Variants in CAT observed in about 807,000 individuals in gnomAD.
The protein encoded by CAT is catalase, also known as epididymis secretory sperm binding protein.
A neutral mutation model predicts 59.0 loss-of-function variants in CAT; 43 were observed. That is an observed-to-expected ratio of 0.73 (90% CI 0.57 to 0.94). CAT has a LOEUF of 0.94. CAT is among the 40% of genes least tolerant of loss of function. CAT has a pLI of 0.00. For missense variants in CAT, 664 were observed against 682.9 expected (o/e 0.97, Z 0.31); for synonymous variants, 218 against 230.9 (o/e 0.94, Z 0.51).
chr11:34,447,522 A>G (rs1856472284), intron 1 of CAT, among the ~76,000 whole-genome samples: 1 of 152,152 alleles, frequency 6.6e-6, no homozygotes, highest in South Asian at 2.1e-4. Flanking sequence ...TGTATCTTCA[A>G]AAGAGTGATG....
At chr11:34,445,268 T>A (rs967264069) in intron 1 of CAT, among the ~76,000 whole-genome samples, 1 of 151,702 alleles carries the variant, frequency 6.6e-6, no homozygotes, top group Non-Finnish European at 1.5e-5. Context: ...GATGGGCGGA[T>A]TTCTTGAGGT....
intron 11 of CAT, among the ~76,000 whole-genome samples, chr11:34,469,705 A>G (rs1856754421): frequency 6.6e-6 from 1 of 150,612 alleles, no homozygotes; most frequent in South Asian, 2.1e-4. Context: ...TTGTTCTGTC[A>G]CCCAGGCTGG....
chr11:34,460,425 G>A (rs1028308939), intron 8 of CAT, among the ~76,000 whole-genome samples: 3 of 150,166 alleles, frequency 2.0e-5, no homozygotes, highest in African/African-American at 7.4e-5. Flanking sequence ...AATTCAGAAG[G>A]CAGCATGGGA....
At chr11:34,463,260 A>G (rs1856672336) in intron 9 of CAT, among the ~76,000 whole-genome samples, 1 of 152,190 alleles carries the variant, frequency 6.6e-6, no homozygotes, top group South Asian at 2.1e-4. Context: ...AAAGCCTTAT[A>G]ATTTATTTCA....
At chr11:34,447,092 A>C (rs560807) in intron 1 of CAT, among the ~76,000 whole-genome samples, 3 of 152,040 alleles carry the variant, frequency 2.0e-5, no homozygotes, top group Non-Finnish European at 4.4e-5. Flanking sequence ...CTTGTTTGTA[A>C]GTTGAAAAGA....
rs780178719 is a variant in CAT at position 34,451,009 on chromosome 11, T to C, written c.260T>C (p.Val87Ala). Reference sequence around the variant, plus strand: ...TTAGGGGCCTTTGGCTACTTTGAGGTCACACATGACATTACCAAATACTCC... The same window carrying C: ...TTAGGGGCCTTTGGCTACTTTGAGGCCACACATGACATTACCAAATACTCC... ...KGAGAFGYFEVTHDITKYSKA... is the reference protein window; with the variant it reads ...KGAGAFGYFEATHDITKYSKA... The change falls in exon 3 of 13, where the codon GTC becomes GCC. Residue 87 changes from valine (V) to alanine (A), a missense_variant. Coordinates refer to ENST00000241052, the MANE Select transcript of CAT (RefSeq NM_001752.4). The C allele has an allele frequency of 6.2e-7, 1 of 1,612,838 alleles. No homozygotes were observed. The highest frequency in any genetic ancestry group is 8.5e-7 in the Non-Finnish European group (1 of 1,178,794).
intron 2 of CAT, among the ~76,000 whole-genome samples, chr11:34,449,719 T>G (rs1213382025): frequency 6.6e-6 from 1 of 152,232 alleles, no homozygotes; most frequent in Non-Finnish European, 1.5e-5. Context: ...AAGCAAGAGT[T>G]AAGTTCCTAT....
At chr11:34,461,082 T>G (rs527286325) in intron 8 of CAT, 169 bp from the exon 9 acceptor site, 1 of 768,924 alleles carries the variant, frequency 1.3e-6, no homozygotes, top group Non-Finnish European at 2.3e-6. Context: ...TAGGGAGAAC[T>G]CGTTTCATAA....
intron 1 of CAT, 138 bp downstream of exon 1, chr11:34,439,217 G>C: frequency 1.2e-6 from 1 of 822,550 alleles, no homozygotes; most frequent in Non-Finnish European, 2.0e-6. Context: ...GATCCCCTTC[G>C]GTGCAGACGG....
intron 4 of CAT, among the ~76,000 whole-genome samples, 155 bp downstream of exon 4, chr11:34,452,362 A>T (rs531771019): frequency 3.7e-4 from 57 of 152,348 alleles, no homozygotes; most frequent in African/African-American, 1.3e-3. Flanking sequence ...TGTATTTAAT[A>T]AGATAAAGTA....
chr11:34,443,120 C>G (rs934924194), intron 1 of CAT, among the ~76,000 whole-genome samples: 7 of 152,132 alleles, frequency 4.6e-5, no homozygotes, highest in African/African-American at 1.7e-4. Flanking sequence ...ATGCTTTTAT[C>G]TAAGTGGGCA....
At position 34,468,567 on chromosome 11, in the gene CAT, T is replaced by G. The variant is rs547508061; in HGVS notation, c.1434+172T>G. On this transcript the variant is annotated intron_variant, in intron 11 of 12. Coordinates refer to ENST00000241052, the MANE Select transcript of CAT (RefSeq NM_001752.4). Reference sequence around the variant, plus strand: ...CCAACTTCTGATTATTTTCTTTCCATGTTTTATCTGGTCTGGCATATCCAT... The same window carrying G: ...CCAACTTCTGATTATTTTCTTTCCAGGTTTTATCTGGTCTGGCATATCCAT... 265 of 648,354 alleles carry G rather than the reference T, an allele frequency of 4.1e-4. 1 individual carries two copies. The African/African-American group carries it at 4.2e-3, about 10-fold the overall frequency. The allele number at this position is 648,354 out of a possible 1,614,324, so 40.2% of individuals were successfully genotyped here.
chr11:34,442,509 G>C (rs1227834215), intron 1 of CAT, among the ~76,000 whole-genome samples: 1 of 152,176 alleles, frequency 6.6e-6, no homozygotes, highest in Non-Finnish European at 1.5e-5. Context: ...GCTGAGGCAG[G>C]ATAATCACTT....
At chr11:34,448,186 TA>T (rs1856482004) in intron 1 of CAT, among the ~76,000 whole-genome samples, 1 of 152,154 alleles carries the variant, frequency 6.6e-6, no homozygotes, top group Non-Finnish European at 1.5e-5. Flanking sequence ...GCATGGGGAG[TA>T]AAACTACAGA....
intron 8 of CAT, chr11:34,460,723 G>T (rs1856640494): frequency 4.9e-6 from 1 of 202,390 alleles, no homozygotes; most frequent in African/African-American, 2.4e-5. Context: ...AGAGTGCTGG[G>T]ATTATAATAG....
rs1590300714 is a variant in CAT, at chr11:34,449,248, T to C, written c.123T>C (p.Val41=). ...ACCCAGTAGGAGACAAACTTAATGT[T>C]ATTACAGTAGGGCCCCGTGGGCCCC... ...AGNPVGDKLN[V]ITVGPRGPLL... is the part of the protein sequence containing the mutation. The change falls in exon 2 of 13, where the codon GTT becomes GTC. Residue 41 remains valine, a synonymous_variant. Transcript: ENST00000241052. The C allele has an allele frequency of 6.2e-7, 1 of 1,614,088 alleles. No individual in the cohort carries two copies. The highest frequency in any genetic ancestry group is 8.5e-7 in the Non-Finnish European group (1 of 1,179,898).
intron 8 of CAT, chr11:34,457,110 T>G: frequency 2.5e-6 from 1 of 400,970 alleles, no homozygotes; most frequent in Non-Finnish European, 4.6e-6. Context: ...ATACCTTAAG[T>G]ATTGATAGAG....
intron 8 of CAT, chr11:34,460,757 G>C (rs1489607358): frequency 4.1e-6 from 1 of 241,528 alleles, no homozygotes; most frequent in East Asian, 1.1e-4. Context: ...TGCCCAGTTG[G>C]AAGTGCTTAT....
intron 1 of CAT, among the ~76,000 whole-genome samples, chr11:34,440,129 G>A (rs953697614): frequency 6.6e-6 from 1 of 152,154 alleles, no homozygotes; most frequent in African/African-American, 2.4e-5. Context: ...GTAGACAGAG[G>A]ACTGCAGCCC....
Sources: gnomAD v4.1 joint callset for allele counts (sites outside exome capture counted in the v4.1 genomes callset) on GRCh38, gnomAD v4.1.1 for gene constraint, MANE v1.5 for transcripts, NCBI Gene and HGNC (gene_info 2026-07-23, HGNC 2026-07-21) for gene names.